GOLGB1: variants seen among roughly 807,000 people sequenced by gnomAD.
GOLGB1 encodes golgin B1.
A neutral mutation model predicts 336.9 loss-of-function variants in GOLGB1; 174 were observed. The ratio of observed to expected loss-of-function variants is 0.52; its 90% CI spans 0.46 to 0.59. The LOEUF is 0.59. Among genes scored for constraint, GOLGB1 ranks in the 20% least tolerant of loss-of-function variants. The pLI is 0.00. For synonymous variants in GOLGB1, 1,208 were observed against 1,289.2 expected, an observed-to-expected ratio of 0.94 and a Z score of 1.35; for missense variants, 3,331 against 3,645.3, an observed-to-expected ratio of 0.91 and a Z score of 2.22.
intron 5 of GOLGB1, among the ~76,000 whole-genome samples, chr3:121,722,976 G>T (rs545321711): frequency 2.6e-5 from 4 of 152,278 alleles, no homozygotes; most frequent in Admixed American, 2.6e-4. Context: ...TCTCACAACT[G>T]ACTCATCATG....
At chr3:121,666,464 C>T (rs1938629469) in intron 20 of GOLGB1, among the ~76,000 whole-genome samples, 1 of 152,144 alleles carries the variant, frequency 6.6e-6, no homozygotes, top group African/African-American at 2.4e-5. Context: ...GTCATGAGGG[C>T]ACAGGCCTGA....
In GOLGB1 at chr3:121,696,043, G is replaced by A; in HGVS notation, c.4480C>T (p.Leu1494Phe). The change falls in exon 13 of 22, where the codon CTT becomes TTT. Residue 1494 changes from leucine to phenylalanine, a missense_variant. Transcript: ENST00000614479. ...QQIQRKLQAA[L>F]ISRKEALKEN... ...TTTAGTGCTTCTTTTCGGGAAATAAGGGCAGCTTGCAGTTTCCTTTGTATT... is the reference window on the plus strand; with the variant it reads ...TTTAGTGCTTCTTTTCGGGAAATAAAGGCAGCTTGCAGTTTCCTTTGTATT... 1 of 1,614,008 alleles carries A rather than the reference G, an allele frequency of 6.2e-7. No homozygotes were observed. The highest frequency in any genetic ancestry group is 1.1e-5 in the South Asian group (1 of 91,068).
Position 121,697,504 on chromosome 3 carries a change from T to C in GOLGB1, c.3019A>G (p.Arg1007Gly), listed in dbSNP as rs1344178262. ...KRKLQAALIN[R>G]KELLQRVSRL... ...CTGACTCTTTGCAGAAGCTCCTTTC[T>C]GTTAATAAGAGCTGCCTGGAGCTTT... The change falls in exon 13 of 22, where the codon AGA (arginine) becomes GGA (glycine). Residue 1007 changes from arginine to glycine, a missense_variant. By Grantham distance (125) the Arg-to-Gly change is moderately radical (BLOSUM62 -2). Coordinates refer to ENST00000614479, the MANE Select transcript of GOLGB1 (RefSeq NM_001366282.2). The C allele has an allele frequency of 2.3e-5, 37 of 1,611,920 alleles. No homozygotes were observed. Among genetic ancestry groups the C allele is most frequent in the Non-Finnish European group, 3.1e-5 (37 of 1,179,570 alleles).
rs1942810438 is a variant in GOLGB1 at position 121,695,059 on chromosome 3, A to C, written c.5464T>G (p.Ser1822Ala). Reference protein sequence around the residue: ...TRPTCSESVPSAKSANPAVSK... With the variant: ...TRPTCSESVPAAKSANPAVSK... ...ACAGCAGGGTTGGCACTCTTCGCTG[A>C]TGGAACCGATTCTGAACATGTAGGT... Residue 1822 changes from serine (S) to alanine (A), a missense_variant, in exon 13 of 22, where the codon TCA becomes GCA. By Grantham distance (99) the Ser-to-Ala change is moderately conservative. Coordinates refer to ENST00000614479, the MANE Select transcript of GOLGB1 (RefSeq NM_001366282.2). The C allele has an allele frequency of 6.2e-7, 1 of 1,613,962 alleles. No homozygotes were observed. The highest frequency in any genetic ancestry group is 1.1e-5 in the South Asian group (1 of 91,080).
Position 121,697,407 on chromosome 3 carries a change from C to G in GOLGB1, c.3116G>C (p.Arg1039Thr), listed in dbSNP as rs746095779. 1.2e-6 allele frequency: 2 copies of G among 1,613,344 alleles called. No individual in the cohort carries two copies. The highest frequency in any genetic ancestry group is 2.2e-5 in the East Asian group (1 of 44,872). ...TTCTTTATCTTCTTCCACTTCTCCC[C>G]TCTCAGTCTCACTGAGTGGGATTTC... ...KKEIPLSETE[R>T]GEVEEDKENK... Residue 1039 changes from arginine to threonine, a missense_variant, in exon 13 of 22, where the codon AGG (arginine) becomes ACG (threonine). Coordinates refer to ENST00000614479, the MANE Select transcript of GOLGB1 (RefSeq NM_001366282.2).
At chr3:121,682,998 G>A (rs913084297) in intron 14 of GOLGB1, among the ~76,000 whole-genome samples, 1 of 148,936 alleles carries the variant, frequency 6.7e-6, no homozygotes, top group Middle Eastern at 3.5e-3. Context: ...GGAGGGAGGT[G>A]ATAGCTGAGA....
In GOLGB1 at chr3:121,677,062, T is replaced by C. The variant is rs757921784; in HGVS notation, c.9040-32A>G. On this transcript the variant is annotated intron_variant, in intron 16 of 21. Coordinates refer to ENST00000614479, the MANE Select transcript of GOLGB1 (RefSeq NM_001366282.2). ...GGACACAAACATTGATCAGATTCTC[T>C]CCTAAGATTGCGCATGCTTAATTCC... 4 of 1,613,164 alleles carry C rather than the reference T, an allele frequency of 2.5e-6. No individual in the cohort carries two copies. In the Admixed American group the frequency reaches 5.0e-5, roughly 20 times the overall value.
chr3:121,694,487 T>A lies in GOLGB1; in HGVS notation c.6036A>T (p.Ala2012=), dbSNP rs754623983. 1 of 1,611,572 alleles carries A rather than the reference T, an allele frequency of 6.2e-7. No homozygotes were observed. The highest frequency in any genetic ancestry group is 1.3e-5 in the African/African-American group (1 of 74,758). The change falls in exon 13 of 22, where the codon GCA becomes GCT. Residue 2012 remains alanine, a synonymous_variant. Coordinates refer to ENST00000614479, the MANE Select transcript of GOLGB1 (RefSeq NM_001366282.2). ...CTTTTAACAGTTCCTGAAGTTCCTTTGCATGGCTTTTATTTCCGGGTTCTT... is the reference window on the plus strand; with the variant it reads ...CTTTTAACAGTTCCTGAAGTTCCTTAGCATGGCTTTTATTTCCGGGTTCTT... ...AQKEPGNKSH[A]KELQELLKEK...
chr3:121,699,751 A>T, intron 12 of GOLGB1, 61 bp downstream of exon 12: 1 of 963,272 alleles, frequency 1.0e-6, no homozygotes, highest in Non-Finnish European at 1.6e-6. Flanking sequence ...GTATTTTCAT[A>T]TGAAGCTACC....
intron 3 of GOLGB1, among the ~76,000 whole-genome samples, chr3:121,729,634 C>T (rs1175842528): frequency 6.6e-6 from 1 of 152,000 alleles, no homozygotes; most frequent in Non-Finnish European, 1.5e-5. Flanking sequence ...CCAGGCTGAT[C>T]TCGAACTCCT....
Position 121,698,508 on chromosome 3 carries a change from T to C in GOLGB1, c.2015A>G (p.Asp672Gly). ...AGVELKSTKQ[D>G]GDKSLSAVPD... is the part of the protein sequence containing the mutation. ...TACAGCAGAAAGGGATTTATCACCA[T>C]CCTGCTTTGTTGATTTCAATTCTAC... is the stretch of plus-strand genomic sequence containing the variant. Residue 672 changes from aspartate to glycine, a missense_variant, in exon 13 of 22, where the codon GAT becomes GGT. Transcript: ENST00000614479. 6.2e-7 allele frequency: 1 copy of C among 1,613,594 alleles called. No homozygotes were observed. Among genetic ancestry groups the C allele is most frequent in the Non-Finnish European group, 8.5e-7 (1 of 1,179,602 alleles).
chr3:121,748,902 C>T, intron 1 of GOLGB1: 8 of 984,724 alleles, frequency 8.1e-6, no homozygotes, highest in Non-Finnish European at 9.6e-6. Flanking sequence ...CTCACCCTCC[C>T]TTTCACATTC....
chr3:121,685,540 A>C (rs965110301), intron 14 of GOLGB1, among the ~76,000 whole-genome samples: 2 of 66,702 alleles, frequency 3.0e-5, no homozygotes, highest in South Asian at 1.3e-3. Context: ...TTTCTAAATA[A>C]ATAAATAAAT....
intron 10 of GOLGB1, among the ~76,000 whole-genome samples, chr3:121,709,557 G>A (rs1944170011): frequency 6.6e-6 from 1 of 152,080 alleles, no homozygotes; most frequent in Non-Finnish European, 1.5e-5. Flanking sequence ...ACAACAACGT[G>A]TTTATTTAGA....
At chr3:121,668,341 T>C (rs1938955402) in intron 18 of GOLGB1, 183 bp from the exon 19 acceptor site, 2 of 435,338 alleles carry the variant, frequency 4.6e-6, no homozygotes, top group Non-Finnish European at 8.1e-6. Context: ...CTTGATTAGA[T>C]TTTTCTCCCA....
intron 14 of GOLGB1, among the ~76,000 whole-genome samples, chr3:121,687,203 A>G (rs916097187): frequency 3.3e-5 from 5 of 152,220 alleles, no homozygotes; most frequent in African/African-American, 1.2e-4. Context: ...CGGAGGTTGC[A>G]GTGAGCCAAG....
intron 6 of GOLGB1, among the ~76,000 whole-genome samples, chr3:121,721,539 G>T (rs999160992): frequency 2.6e-5 from 4 of 152,200 alleles, no homozygotes; most frequent in Admixed American, 6.5e-5. Flanking sequence ...TGAGGTGAGT[G>T]AGAGGATGGC....
chr3:121,699,986 A>T (rs778165884), intron 11 of GOLGB1, 101 bp from the exon 12 acceptor site: 271 of 699,516 alleles, frequency 3.9e-4, no homozygotes, highest in Non-Finnish European at 6.0e-4. Context: ...ATAATTTTTT[A>T]AAAAATAAAC....
chr3:121,749,885 C>T (rs1009645531), upstream of GOLGB1: 5 of 152,518 alleles, frequency 3.3e-5, no homozygotes, highest in African/African-American at 1.2e-4. Flanking sequence ...ACAGAAGATG[C>T]TCCGCTTCCT....
Sources: allele counts gnomAD v4.1 joint callset (sites outside exome capture counted in the v4.1 genomes callset), GRCh38; gene constraint gnomAD v4.1.1; transcripts MANE v1.5; gene names NCBI Gene and HGNC (gene_info 2026-07-23, HGNC 2026-07-21).